Variants in SHC4 observed in about 807,000 individuals in gnomAD.
SHC4 encodes SHC-transforming protein 4.
SHC4 carries 41 observed loss-of-function variants against 69.4 expected under a neutral mutation model. That is an observed-to-expected ratio of 0.59 (90% confidence interval 0.46 to 0.77). The LOEUF (loss-of-function observed/expected upper bound fraction) is 0.77. Among genes scored for constraint, SHC4 ranks in the 30% least tolerant of loss-of-function variants. The pLI is 0.00. For missense variants in SHC4, 777 were observed against 783.8 expected (o/e 0.99, Z 0.10); for synonymous variants, 318 against 299.3 (o/e 1.06, Z -0.64).
intron 1 of SHC4, among the ~76,000 whole-genome samples, chr15:48,938,843 A>G (rs1901122275): frequency 6.6e-6 from 1 of 152,216 alleles, no homozygotes. Context: ...GGGAGAAGGA[A>G]TATGGCATAC....
At chr15:48,902,733 A>G (rs1340418920) in intron 2 of SHC4, among the ~76,000 whole-genome samples, 1 of 152,126 alleles carries the variant, frequency 6.6e-6, no homozygotes, top group Non-Finnish European at 1.5e-5. Context: ...GTGACTCTGA[A>G]GTGCCATCCT....
intron 3 of SHC4, among the ~76,000 whole-genome samples, chr15:48,886,345 T>G (rs1900036061): frequency 6.6e-6 from 1 of 152,160 alleles, no homozygotes; most frequent in Non-Finnish European, 1.5e-5. Flanking sequence ...GTAAAGAACT[T>G]TTACGTAAAT....
chr15:48,947,627 A>C (rs17470122), intron 1 of SHC4, among the ~76,000 whole-genome samples: 32,868 of 152,160 alleles, frequency 0.22, 4,503 homozygotes, highest in Non-Finnish European at 0.3. Flanking sequence ...AGTCCCTAGA[A>C]GCATTGGGTA....
intron 1 of SHC4, among the ~76,000 whole-genome samples, chr15:48,930,864 C>T (rs1900951526): frequency 6.6e-6 from 1 of 152,150 alleles, no homozygotes; most frequent in Non-Finnish European, 1.5e-5. Context: ...CCCTTCATAA[C>T]CTTGAAACAC....
chr15:48,827,835 TA>T (rs1898717551), intron 11 of SHC4, among the ~76,000 whole-genome samples: 1 of 152,114 alleles, frequency 6.6e-6, no homozygotes, highest in South Asian at 2.1e-4. Flanking sequence ...TTGAAAAAAA[TA>T]AAATCTGGTC....
At chr15:48,855,430 C>T (rs534950086) in intron 8 of SHC4, among the ~76,000 whole-genome samples, 1 of 152,144 alleles carries the variant, frequency 6.6e-6, no homozygotes, top group Non-Finnish European at 1.5e-5. Flanking sequence ...AGGGACAATG[C>T]TTTCTAGAAG....
intron 1 of SHC4, among the ~76,000 whole-genome samples, chr15:48,939,677 T>A (rs893753641): frequency 6.6e-6 from 1 of 152,216 alleles, no homozygotes; most frequent in Non-Finnish European, 1.5e-5. Context: ...CTCGCTTAGA[T>A]GTGACGCCAA....
At chr15:48,869,594 G>C (rs1484510306) in intron 5 of SHC4, among the ~76,000 whole-genome samples, 3 of 152,118 alleles carry the variant, frequency 2.0e-5, no homozygotes, top group Non-Finnish European at 2.9e-5. Context: ...CAGGCAATAG[G>C]GATTATCCTC....
At chr15:48,960,740 C>G (rs1475917656) in intron 1 of SHC4, among the ~76,000 whole-genome samples, 2 of 152,140 alleles carry the variant, frequency 1.3e-5, no homozygotes, top group Non-Finnish European at 2.9e-5. Context: ...GACTGTCTAC[C>G]TACATATTAG....
At chr15:48,930,318 C>A (rs532905198) in intron 1 of SHC4, among the ~76,000 whole-genome samples, 4 of 152,328 alleles carry the variant, frequency 2.6e-5, no homozygotes, top group South Asian at 4.1e-4. Flanking sequence ...ATGAGCAAAG[C>A]TCACTACTTC....
chr15:48,921,392 T>C (rs1273496132), intron 2 of SHC4, among the ~76,000 whole-genome samples: 3 of 150,158 alleles, frequency 2.0e-5, no homozygotes, highest in Non-Finnish European at 3.0e-5. Flanking sequence ...TGGAGTGCAA[T>C]GGTGCAATCT....
chr15:48,831,665 T>C (rs867620848), intron 11 of SHC4, among the ~76,000 whole-genome samples: 2 of 152,238 alleles, frequency 1.3e-5, no homozygotes, highest in South Asian at 4.1e-4. Context: ...CATCTAGCAA[T>C]GTATTTCTCA....
At chr15:48,958,440 C>T (rs1419956792) in intron 1 of SHC4, among the ~76,000 whole-genome samples, 1 of 152,124 alleles carries the variant, frequency 6.6e-6, no homozygotes, top group South Asian at 2.1e-4. Context: ...CTCTCAGTGT[C>T]CTCACCTGGA....
chr15:48,947,807 T>C (rs1377700432), intron 1 of SHC4: 1 of 152,222 alleles, frequency 6.6e-6, no homozygotes, highest in Non-Finnish European at 1.5e-5. Context: ...TTTATTATAA[T>C]TTGTTTAATG....
intron 1 of SHC4, among the ~76,000 whole-genome samples, chr15:48,941,573 G>A (rs1901175432): frequency 6.6e-6 from 1 of 152,224 alleles, no homozygotes; most frequent in African/African-American, 2.4e-5. Flanking sequence ...AAATAATGGC[G>A]AGATCACAGT....
chr15:48,826,250 G>T, intron 11 of SHC4, 124 bp from the exon 12 acceptor site: 11 of 922,288 alleles, frequency 1.2e-5, no homozygotes, highest in Non-Finnish European at 1.2e-5. Flanking sequence ...AAAAGAAAAG[G>T]TACTTTTTTT....
At chr15:48,862,294 G>A (rs957439160) in intron 6 of SHC4, among the ~76,000 whole-genome samples, 2 of 151,656 alleles carry the variant, frequency 1.3e-5, no homozygotes, top group African/African-American at 4.8e-5. Flanking sequence ...CTAGATTCAG[G>A]GAAAATATTA....
chr15:48,905,969 T>A (rs910927094), intron 2 of SHC4, among the ~76,000 whole-genome samples: 9 of 152,170 alleles, frequency 5.9e-5, no homozygotes, highest in Non-Finnish European at 1.2e-4. Flanking sequence ...AGATCATATT[T>A]TCCATGGAAA....
At position 48,963,232 on chromosome 15, in the gene SHC4, G is replaced by C; in HGVS notation, c.-217C>G. 1 of 513,426 alleles carries C rather than the reference G, an allele frequency of 1.9e-6. No homozygotes were observed. Among genetic ancestry groups the C allele is most frequent in the Admixed American group, 3.7e-5 (1 of 26,692 alleles). 31.8% of individuals were successfully genotyped at this position (513,426 alleles called of 1,614,324 possible). A position where few individuals can be genotyped will look rare whatever the true frequency, so the allele number is the denominator to read the frequency against. On this transcript the variant is annotated 5_prime_UTR_variant, in exon 1 of 12. Coordinates refer to ENST00000332408, the MANE Select transcript of SHC4 (RefSeq NM_203349.4). ...CCTGCTCTGATTTCAGTCTCTCCCT[G>C]GCCCAGGCAGAGGCACCAGTGTTCT...
Sources: gnomAD v4.1 joint callset for allele counts (sites outside exome capture counted in the v4.1 genomes callset) on GRCh38, gnomAD v4.1.1 for gene constraint, MANE v1.5 for transcripts, NCBI Gene and HGNC (gene_info 2026-07-23, HGNC 2026-07-21) for gene names.